CSNK1G2: variants seen among roughly 807,000 people sequenced by gnomAD.
The protein encoded by CSNK1G2 is casein kinase 1 gamma 2, also known as casein kinase I isoform gamma-2.
A neutral mutation model predicts 48.0 loss-of-function variants in CSNK1G2; 11 were observed. The ratio of observed to expected loss-of-function variants is 0.23; its 90% CI spans 0.14 to 0.38. CSNK1G2 has a LOEUF of 0.38. CSNK1G2 is among the 10% of genes least tolerant of loss of function. The probability of loss-of-function intolerance (pLI) is 1.00; values close to 1 mark genes in which losing one functional copy is unlikely to be tolerated. For missense variants in CSNK1G2, 446 were observed against 595.5 expected (o/e 0.75, Z 2.61); for synonymous variants, 337 against 254.1 (o/e 1.33, Z -3.10).
At chr19:1,971,275 C>A (rs564905116) in intron 2 of CSNK1G2, among the ~76,000 whole-genome samples, 1 of 152,344 alleles carries the variant, frequency 6.6e-6, no homozygotes, top group South Asian at 2.1e-4. Context: ...GGGTTTGAGA[C>A]CCCACCCGAA....
rs1470912641 is a variant in CSNK1G2 at position 1,951,592 on chromosome 19, GC to G, written c.-266+10176del. ...GTTGGGGGGTGCAGCCTCCCGATGG[GC>G]CAGGATGGGGGATGCTTGGGTGCCC... On this transcript the variant is annotated intron_variant, in intron 1 of 11. Coordinates refer to ENST00000255641, the MANE Select transcript of CSNK1G2 (RefSeq NM_001319.7). Among the ~76,000 whole-genome samples, 53 of 145,458 alleles carry G rather than the reference GC, an allele frequency of 3.6e-4. 4 individuals carry two copies. Among genetic ancestry groups the G allele is most frequent in the Admixed American group, 2.4e-3 (35 of 14,528 alleles).
intron 1 of CSNK1G2, among the ~76,000 whole-genome samples, chr19:1,950,316 T>A (rs1234664420): frequency 2.7e-5 from 4 of 148,278 alleles, no homozygotes; most frequent in Non-Finnish European, 5.9e-5. Context: ...ATTGTTTGTA[T>A]TTTTAGTAGA....
At chr19:1,980,056 G>T in intron 11 of CSNK1G2, 39 bp downstream of exon 11, 1 of 1,587,286 alleles carries the variant, frequency 6.3e-7, no homozygotes, top group South Asian at 1.1e-5. Context: ...AGGTGGGGGT[G>T]CCCTGGGTCC....
chr19:1,975,011 A>G (rs2015704810), intron 2 of CSNK1G2: 1 of 958,402 alleles, frequency 1.0e-6, no homozygotes, highest in Non-Finnish European at 1.2e-6. Context: ...GCAGATCCAC[A>G]GGCCTCAGAT....
In CSNK1G2 at chr19:1,969,602, C is replaced by T; in HGVS notation, c.-171C>T. On this transcript the variant is annotated 5_prime_UTR_variant, in exon 2 of 12. Coordinates refer to ENST00000255641, the MANE Select transcript of CSNK1G2 (RefSeq NM_001319.7). ...GAGGCCACTGAGAAGAGCAGCGCGG[C>T]CTGGCCGGCCCGAACGCCTGCGTCT... is the stretch of plus-strand genomic sequence containing the variant. The T allele has an allele frequency of 2.0e-6, 1 of 491,908 alleles. No individual in the cohort carries two copies. The highest frequency in any genetic ancestry group is 3.3e-6 in the Non-Finnish European group (1 of 302,358). The allele number at this position is 491,908 out of a possible 1,614,324, so 30.5% of individuals were successfully genotyped here. A position where few individuals can be genotyped will look rare whatever the true frequency, so the allele number is the denominator to read the frequency against.
rs140761737 is a variant in CSNK1G2, at chr19:1,970,889, G to A, written c.187+930G>A. 2.8e-3 allele frequency among the ~76,000 whole-genome samples: 430 copies of A among 151,364 alleles called. 2 individuals are homozygous for A. Among genetic ancestry groups the A allele is most frequent in the Non-Finnish European group, 5.3e-3 (357 of 67,694 alleles). ...CCTCACGTGGGCACCCATGGCAGGC[G>A]GTGCCCATGGCACCCATGGCAGGCA... On this transcript the variant is annotated intron_variant, in intron 2 of 11. Transcript: ENST00000255641.
chr19:1,960,583 G>C lies in CSNK1G2; in HGVS notation c.-265-8925G>C, dbSNP rs891193456. 2.0e-5 allele frequency among the ~76,000 whole-genome samples: 3 copies of C among 152,186 alleles called. No homozygotes were observed. The East Asian group carries it at 5.8e-4, about 29-fold the overall frequency. On this transcript the variant is annotated intron_variant, in intron 1 of 11. Coordinates refer to ENST00000255641, the MANE Select transcript of CSNK1G2 (RefSeq NM_001319.7). ...TACACGCATGTGGTTTTGCTTTCTTGTGGGCTGGAAAATCTAATAGTAGTC... is the reference window on the plus strand; with the variant it reads ...TACACGCATGTGGTTTTGCTTTCTTCTGGGCTGGAAAATCTAATAGTAGTC...
At chr19:1,947,390 G>A (rs1056268774) in intron 1 of CSNK1G2, among the ~76,000 whole-genome samples, 12 of 152,180 alleles carry the variant, frequency 7.9e-5, no homozygotes, top group African/African-American at 2.9e-4. Flanking sequence ...CTTCCCATCT[G>A]ACCTCTGTCC....
chr19:1,941,450 CGCCCCCT>C (rs1442036100), intron 1 of CSNK1G2, 32 bp downstream of exon 1: 1 of 146,142 alleles, frequency 6.8e-6, no homozygotes, highest in Non-Finnish European at 1.5e-5. Flanking sequence ...CCGGCCCCTT[CGCCCCCT>C]GCACCCTGGC....
chr19:1,952,869 G>A (rs368351443), intron 1 of CSNK1G2: 7 of 425,170 alleles, frequency 1.6e-5, no homozygotes, highest in East Asian at 8.2e-5. Flanking sequence ...TGCAGCCCTC[G>A]TGGGGATCAT....
chr19:1,979,861 C>G, intron 10 of CSNK1G2, 26 bp downstream of exon 10: 1 of 1,603,300 alleles, frequency 6.2e-7, no homozygotes, highest in Non-Finnish European at 8.5e-7. Context: ...GACCGACCGC[C>G]CCAGGGAGGG....
intron 1 of CSNK1G2, among the ~76,000 whole-genome samples, chr19:1,956,016 TG>T (rs2014985964): frequency 6.6e-6 from 1 of 152,186 alleles, no homozygotes; most frequent in South Asian, 2.1e-4. Flanking sequence ...CAGCCCGGGC[TG>T]GCCTTCACCC....
intron 1 of CSNK1G2, among the ~76,000 whole-genome samples, chr19:1,943,880 G>A (rs1313587394): frequency 6.6e-6 from 1 of 152,230 alleles, no homozygotes; most frequent in Non-Finnish European, 1.5e-5. Flanking sequence ...CCGAGGCCTG[G>A]CGGAGGGCGG....
chr19:1,960,258 G>A (rs973257176), intron 1 of CSNK1G2, among the ~76,000 whole-genome samples: 7 of 152,220 alleles, frequency 4.6e-5, no homozygotes, highest in Non-Finnish European at 7.4e-5. Context: ...CCCGGATGGC[G>A]CCTGCCCCTT....
At chr19:1,955,503 G>T (rs1309915723) in intron 1 of CSNK1G2, among the ~76,000 whole-genome samples, 1 of 147,544 alleles carries the variant, frequency 6.8e-6, no homozygotes, top group Admixed American at 6.7e-5. Flanking sequence ...CCGCGGGGTG[G>T]GCGTGTGCCA....
intron 1 of CSNK1G2, among the ~76,000 whole-genome samples, chr19:1,949,425 C>T (rs945503998): frequency 2.6e-5 from 4 of 152,236 alleles, no homozygotes; most frequent in African/African-American, 9.6e-5. Context: ...TTTGGCGTCT[C>T]TCACTGAGTG....
At position 1,979,973 on chromosome 19, in the gene CSNK1G2, C is replaced by G. The variant is rs752849121; in HGVS notation, c.1149C>G (p.Ala383=). 6.3e-7 allele frequency: 1 copy of G among 1,592,626 alleles called. No homozygotes were observed. Among genetic ancestry groups the G allele is most frequent in the Non-Finnish European group, 8.6e-7 (1 of 1,168,526 alleles). The part of the protein sequence containing the change: ...ADDPTAGHSN[A]PITAPAEVEV... ...ACCCCACGGCCGGCCACTCCAACGC[C>G]CCGATCACAGCGCCTGCAGAGGTGG... The change falls in exon 11 of 12, where the codon GCC becomes GCG. Residue 383 remains alanine (A), a synonymous_variant. Coordinates refer to ENST00000255641, the MANE Select transcript of CSNK1G2 (RefSeq NM_001319.7).
chr19:1,950,905 G>A (rs535033830), intron 1 of CSNK1G2, among the ~76,000 whole-genome samples: 8 of 145,950 alleles, frequency 5.5e-5, no homozygotes, highest in South Asian at 2.2e-4. Flanking sequence ...GGAAGTTTTC[G>A]GTGAGCTGGG....
intron 1 of CSNK1G2, among the ~76,000 whole-genome samples, chr19:1,955,961 A>G (rs891251998): frequency 2.0e-5 from 3 of 152,220 alleles, no homozygotes; most frequent in Non-Finnish European, 4.4e-5. Context: ...AACAGACGCC[A>G]GCGGGGCAGC....
Sources: allele counts gnomAD v4.1 joint callset (sites outside exome capture counted in the v4.1 genomes callset), GRCh38; gene constraint gnomAD v4.1.1; transcripts MANE v1.5; gene names NCBI Gene and HGNC (gene_info 2026-07-23, HGNC 2026-07-21).